The following TENM4 variants were observed in gnomAD, a reference collection of about 807,000 sequenced individuals.
TENM4 encodes teneurin-4.
TENM4 carries 82 observed loss-of-function variants against 243.3 expected under a neutral mutation model. The ratio of observed to expected loss-of-function variants is 0.34; its 90% CI spans 0.28 to 0.40. TENM4 has a LOEUF of 0.40. TENM4 is among the 10% of genes least tolerant of loss of function. The pLI, the probability that TENM4 is intolerant of heterozygous loss-of-function variation, is 1.00. For missense variants in TENM4, 3,138 were observed against 3,673.3 expected (o/e 0.85, Z 3.77); for synonymous variants, 1,412 against 1,456.3 (o/e 0.97, Z 0.69).
At chr11:78,926,702 G>A (rs1856559823) in intron 6 of TENM4, among the ~76,000 whole-genome samples, 1 of 148,376 alleles carries the variant, frequency 6.7e-6, no homozygotes, top group Non-Finnish European at 1.5e-5. Context: ...TGCCACAGAG[G>A]CATAGCTTTA....
At chr11:79,185,534 G>C (rs1367805974) in intron 3 of TENM4, among the ~76,000 whole-genome samples, 3 of 152,116 alleles carry the variant, frequency 2.0e-5, no homozygotes, top group African/African-American at 7.2e-5. Flanking sequence ...CCAGCGAATG[G>C]CATGGTGCCA....
intron 3 of TENM4, among the ~76,000 whole-genome samples, chr11:79,156,733 G>A (rs1862627705): frequency 6.6e-6 from 1 of 152,126 alleles, no homozygotes; most frequent in South Asian, 2.1e-4. Context: ...TCCTGTGAAT[G>A]CCTACCAGTC....
At chr11:79,058,049 G>C (rs1859985338) in intron 6 of TENM4, among the ~76,000 whole-genome samples, 1 of 152,184 alleles carries the variant, frequency 6.6e-6, no homozygotes, top group Admixed American at 6.5e-5. Context: ...CATAATTTGA[G>C]AGTGGCCCAG....
At chr11:79,323,696 T>C (rs1228523107) in intron 1 of TENM4, among the ~76,000 whole-genome samples, 1 of 152,220 alleles carries the variant, frequency 6.6e-6, no homozygotes, top group Non-Finnish European at 1.5e-5. Context: ...GTAGATTTCA[T>C]CCAACTAGGA....
intron 6 of TENM4, among the ~76,000 whole-genome samples, chr11:79,063,477 C>CT (rs35144769): frequency 0.31 from 47,187 of 152,038 alleles, 7,679 homozygotes; most frequent in Non-Finnish European, 0.37. Flanking sequence ...ACCAGCAGGC[C>CT]TCCTCTTCAC....
intron 1 of TENM4, among the ~76,000 whole-genome samples, chr11:79,352,624 C>T (rs1009670778): frequency 2.6e-5 from 4 of 152,204 alleles, no homozygotes; most frequent in Non-Finnish European, 5.9e-5. Context: ...AACAGACAGG[C>T]CTGGGCAGGC....
chr11:78,776,119 T>C (rs1856734439), intron 17 of TENM4, among the ~76,000 whole-genome samples: 1 of 152,160 alleles, frequency 6.6e-6, no homozygotes, highest in South Asian at 2.1e-4. Flanking sequence ...ATGACAGCAA[T>C]AGTCTGCTAA....
chr11:79,328,584 C>T (rs902482873), intron 1 of TENM4, among the ~76,000 whole-genome samples: 9 of 151,866 alleles, frequency 5.9e-5, no homozygotes, highest in Non-Finnish European at 8.8e-5. Context: ...TGGTAAGAGG[C>T]GGTGGCGGTG....
intron 1 of TENM4, among the ~76,000 whole-genome samples, chr11:79,382,278 T>C (rs1858020897): frequency 6.6e-6 from 1 of 152,182 alleles, no homozygotes; most frequent in African/African-American, 2.4e-5. Context: ...CTCTGGGGAT[T>C]AGAGGTGGTG....
intron 6 of TENM4, among the ~76,000 whole-genome samples, chr11:78,933,892 T>C (rs1317872471): frequency 6.6e-6 from 1 of 152,180 alleles, no homozygotes; most frequent in Non-Finnish European, 1.5e-5. Flanking sequence ...CAGGGCCTTA[T>C]ATTTGGCTAT....
At position 79,008,478 on chromosome 11, in the gene TENM4, T is replaced by C. The variant is rs996313775; in HGVS notation, c.493+56260A>G. On this transcript the variant is annotated intron_variant, in intron 6 of 33. Coordinates refer to ENST00000278550, the MANE Select transcript of TENM4 (RefSeq NM_001098816.3). ...AACACTATTAACATTTTGTTATATA[T>C]ACACATATTTTTGACATAGTTTTGA... Among the ~76,000 whole-genome samples the C allele has an allele frequency of 2.6e-5, 4 of 152,352 alleles. No individual in the cohort carries two copies. In the East Asian group the frequency reaches 7.7e-4, roughly 29 times the overall value.
At chr11:79,349,683 T>A (rs1857383213) in intron 1 of TENM4, among the ~76,000 whole-genome samples, 1 of 152,100 alleles carries the variant, frequency 6.6e-6, no homozygotes, top group African/African-American at 2.4e-5. Flanking sequence ...TGGCAGGTAT[T>A]GTGGAAAAAA....
chr11:78,918,908 G>T (rs978740173), intron 6 of TENM4, among the ~76,000 whole-genome samples: 8 of 152,182 alleles, frequency 5.3e-5, no homozygotes, highest in Non-Finnish European at 1.0e-4. Flanking sequence ...GTTGACATGG[G>T]TTTGAATCCC....
chr11:78,761,223 G>C (rs1024637000), intron 18 of TENM4, among the ~76,000 whole-genome samples: 1 of 151,708 alleles, frequency 6.6e-6, no homozygotes, highest in Non-Finnish European at 1.5e-5. Context: ...AACCCTCCAG[G>C]GTGGTTTTCT....
At chr11:79,148,827 C>A in intron 3 of TENM4, 21 bp from the exon 4 acceptor site, 13 of 901,010 alleles carry the variant, frequency 1.4e-5, no homozygotes, top group South Asian at 5.1e-5. Context: ...AGACAAGAGA[C>A]AAATCAGTCA....
rs371243619 is a variant in TENM4 at position 79,011,655 on chromosome 11, A to G, written c.493+53083T>C. On this transcript the variant is annotated intron_variant, in intron 6 of 33. Transcript: ENST00000278550. ...GGGTCTGCACCCCCGCTGGCTTGGC[A>G]GCCCCTATCCAGCTTCATGGAGTTG... Among the ~76,000 whole-genome samples the G allele has an allele frequency of 2.4e-4, 37 of 152,310 alleles. No homozygotes were observed. The South Asian group carries it at 7.1e-3, about 29-fold the overall frequency.
intron 24 of TENM4, among the ~76,000 whole-genome samples, chr11:78,722,022 G>C (rs771021835): frequency 1.3e-5 from 2 of 152,104 alleles, no homozygotes; most frequent in Non-Finnish European, 1.5e-5. Context: ...GGGGAAAGAG[G>C]CTGACTCAGC....
At chr11:79,423,068 A>C (rs1046207981) in intron 1 of TENM4, among the ~76,000 whole-genome samples, 18 of 152,140 alleles carry the variant, frequency 1.2e-4, no homozygotes, top group African/African-American at 4.3e-4. Flanking sequence ...GAAGGCTGGG[A>C]GGCTGTCCTA....
chr11:78,970,274 T>C (rs1857513854), intron 6 of TENM4, among the ~76,000 whole-genome samples: 2 of 152,166 alleles, frequency 1.3e-5, no homozygotes, highest in South Asian at 4.1e-4. Context: ...CTGGTCTTAC[T>C]CAGAGTCTCA....
Sources: allele counts gnomAD v4.1 joint callset (sites outside exome capture counted in the v4.1 genomes callset), GRCh38; gene constraint gnomAD v4.1.1; transcripts MANE v1.5; gene names NCBI Gene and HGNC (gene_info 2026-07-23, HGNC 2026-07-21).